The following ZZZ3 variants were observed in gnomAD, a reference collection of about 807,000 sequenced individuals.
ZZZ3 encodes the protein zinc finger ZZ-type containing 3, also known as ZZ-type zinc finger-containing protein 3.
ZZZ3 carries 22 observed loss-of-function variants against 95.2 expected under a neutral mutation model. The ratio of observed to expected loss-of-function variants is 0.23; its 90% CI spans 0.17 to 0.33. ZZZ3 has a LOEUF of 0.33. ZZZ3 is among the 10% of genes least tolerant of loss of function. The pLI is 1.00. For missense variants in ZZZ3, 885 were observed against 1,066.5 expected (o/e 0.83, Z 2.37); for synonymous variants, 335 against 358.9 (o/e 0.93, Z 0.75).
chr1:77,569,744 G>C (rs937075010), intron 12 of ZZZ3, among the ~76,000 whole-genome samples: 13 of 152,044 alleles, frequency 8.6e-5, no homozygotes, highest in Non-Finnish European at 1.5e-5. Flanking sequence ...TACCTCCACT[G>C]TTATTCCTAC....
Position 77,662,825 on chromosome 1 carries a change from C to G in ZZZ3, c.-403+19760G>C, listed in dbSNP as rs1490553274. Among the ~76,000 whole-genome samples the G allele has an allele frequency of 2.0e-5, 3 of 152,104 alleles. No homozygotes were observed. The East Asian group carries it at 5.8e-4, about 29-fold the overall frequency. ...ATACATAAAATAAAGAAATGTGAGG[C>G]CAGGTGCTGTGGCTCACGCCTGTAA... On this transcript the variant is annotated intron_variant, in intron 1 of 14. Coordinates refer to ENST00000370801, the MANE Select transcript of ZZZ3 (RefSeq NM_015534.6).
At chr1:77,588,205 A>G (rs1663300935) in intron 5 of ZZZ3, among the ~76,000 whole-genome samples, 1 of 152,172 alleles carries the variant, frequency 6.6e-6, no homozygotes, top group South Asian at 2.1e-4. Context: ...ACTACATGCC[A>G]GACAAATGTT....
chr1:77,649,762 A>G (rs1669630334), intron 1 of ZZZ3, among the ~76,000 whole-genome samples: 1 of 151,844 alleles, frequency 6.6e-6, no homozygotes. Context: ...CATGTCTGTA[A>G]TACCAGCTAC....
intron 5 of ZZZ3, among the ~76,000 whole-genome samples, chr1:77,600,698 T>A (rs1314339577): frequency 6.6e-6 from 1 of 152,078 alleles, no homozygotes; most frequent in East Asian, 1.9e-4. Flanking sequence ...CAGAAACGTT[T>A]TTAGGCAAAG....
At chr1:77,608,392 T>C (rs1665460396) in intron 5 of ZZZ3, among the ~76,000 whole-genome samples, 1 of 152,182 alleles carries the variant, frequency 6.6e-6, no homozygotes, top group South Asian at 2.1e-4. Flanking sequence ...TACCCTAGAA[T>C]AGTATATGCA....
At chr1:77,567,509 A>G (rs1340736406) in intron 13 of ZZZ3, among the ~76,000 whole-genome samples, 2 of 152,232 alleles carry the variant, frequency 1.3e-5, no homozygotes, top group African/African-American at 2.4e-5. Flanking sequence ...AAATCATTCA[A>G]TGGTTCCCCC....
At chr1:77,574,038 A>G (rs529586014) in intron 12 of ZZZ3, among the ~76,000 whole-genome samples, 11 of 150,710 alleles carry the variant, frequency 7.3e-5, no homozygotes, top group African/African-American at 2.4e-4. Context: ...AGTGAGAGGG[A>G]TTATTTATTC....
intron 4 of ZZZ3, among the ~76,000 whole-genome samples, chr1:77,637,956 A>G (rs879440658): frequency 4.1e-4 from 63 of 152,252 alleles, no homozygotes; most frequent in Non-Finnish European, 5.1e-4. Context: ...GAAATTAGAA[A>G]TGCAATCAAT....
chr1:77,644,089 G>T (rs2100920238), intron 1 of ZZZ3, among the ~76,000 whole-genome samples: 1 of 151,278 alleles, frequency 6.6e-6, no homozygotes, highest in East Asian at 1.9e-4. Flanking sequence ...TTTTGAGACG[G>T]CGTTTTGCTC....
chr1:77,633,527 A>T, intron 4 of ZZZ3, 122 bp from the exon 5 acceptor site: 1 of 531,806 alleles, frequency 1.9e-6, no homozygotes, highest in South Asian at 4.0e-5. Flanking sequence ...AACTATCTAT[A>T]TAACTGCCAA....
chr1:77,672,380 A>G (rs1671865301), intron 1 of ZZZ3, among the ~76,000 whole-genome samples: 1 of 152,190 alleles, frequency 6.6e-6, no homozygotes, highest in South Asian at 2.1e-4. Context: ...AAAATTCCCA[A>G]GTGATGCTCT....
At chr1:77,583,989 A>G (rs1032202991) in intron 6 of ZZZ3, among the ~76,000 whole-genome samples, 1 of 152,226 alleles carries the variant, frequency 6.6e-6, no homozygotes, top group Non-Finnish European at 1.5e-5. Flanking sequence ...ACTTAAAAAA[A>G]GCATTTTAAA....
chr1:77,605,068 A>G (rs967331842), intron 5 of ZZZ3, among the ~76,000 whole-genome samples: 4 of 152,198 alleles, frequency 2.6e-5, no homozygotes, highest in African/African-American at 4.8e-5. Context: ...AACCTTCATG[A>G]GATCCAAAAA....
intron 1 of ZZZ3, among the ~76,000 whole-genome samples, chr1:77,664,022 T>A (rs1460760105): frequency 6.6e-6 from 1 of 151,956 alleles, no homozygotes; most frequent in Non-Finnish European, 1.5e-5. Flanking sequence ...AATGTTGGGA[T>A]TACAGGTGTG....
intron 5 of ZZZ3, among the ~76,000 whole-genome samples, chr1:77,590,547 T>C (rs1190096586): frequency 2.0e-5 from 3 of 152,254 alleles, no homozygotes; most frequent in Non-Finnish European, 4.4e-5. Flanking sequence ...AAATATTTAC[T>C]ATCTGGTCCT....
chr1:77,662,934 G>A (rs140629589), intron 1 of ZZZ3, among the ~76,000 whole-genome samples: 210 of 152,148 alleles, frequency 1.4e-3, no homozygotes, highest in African/African-American at 4.9e-3. Context: ...GTGACGCTCC[G>A]TCTCTACAAA....
chr1:77,676,270 G>A (rs773588632), intron 1 of ZZZ3, among the ~76,000 whole-genome samples: 2 of 152,118 alleles, frequency 1.3e-5, no homozygotes, highest in Admixed American at 6.5e-5. Flanking sequence ...GGGGTCAAGT[G>A]ATCCTTCCAC....
intron 5 of ZZZ3, among the ~76,000 whole-genome samples, chr1:77,607,010 A>C (rs563204645): frequency 3.3e-5 from 5 of 152,370 alleles, no homozygotes; most frequent in African/African-American, 1.2e-4. Flanking sequence ...ACCAGGGACC[A>C]ATCTTGGAGA....
chr1:77,594,520 A>C (rs1351539036), intron 5 of ZZZ3, among the ~76,000 whole-genome samples: 2 of 152,132 alleles, frequency 1.3e-5, no homozygotes, highest in Non-Finnish European at 2.9e-5. Context: ...CAGAAACTAC[A>C]AAAGAAAATA....
Sources: gnomAD v4.1 joint callset for allele counts (sites outside exome capture counted in the v4.1 genomes callset) on GRCh38, gnomAD v4.1.1 for gene constraint, MANE v1.5 for transcripts, NCBI Gene and HGNC (gene_info 2026-07-23, HGNC 2026-07-21) for gene names.